CATSPERG: variants seen among roughly 807,000 people sequenced by gnomAD.
The protein encoded by CATSPERG is cation channel sperm-associated auxiliary subunit gamma.
A neutral mutation model predicts 145.0 loss-of-function variants in CATSPERG; 115 were observed. That is an observed-to-expected ratio of 0.79 (90% CI 0.68 to 0.93). The LOEUF (loss-of-function observed/expected upper bound fraction) is 0.93, where lower values mean the gene tolerates loss of function less well. CATSPERG is among the 40% of genes least tolerant of loss of function. CATSPERG has a pLI of 0.00. For missense variants in CATSPERG, 1,296 were observed against 1,490.1 expected (o/e 0.87, Z 2.14); for synonymous variants, 588 against 589.0 (o/e 1.00, Z 0.02).
At chr19:38,343,541 T>G (rs1374856900) in intron 3 of CATSPERG, 39 bp from the exon 4 acceptor site, 1 of 1,505,122 alleles carries the variant, frequency 6.6e-7, no homozygotes, top group South Asian at 1.3e-5. Flanking sequence ...ACCCAGAGGC[T>G]ACCATAAGGA....
intron 7 of CATSPERG, among the ~76,000 whole-genome samples, chr19:38,352,015 C>G (rs1249675574): frequency 6.6e-6 from 1 of 152,224 alleles, no homozygotes; most frequent in Non-Finnish European, 1.5e-5. Context: ...GCATGCTGTG[C>G]ACTGCCCAAC....
chr19:38,344,785 T>A (rs1970002310), intron 6 of CATSPERG, among the ~76,000 whole-genome samples: 1 of 139,342 alleles, frequency 7.2e-6, no homozygotes, highest in East Asian at 2.1e-4. Context: ...ACATATATAG[T>A]ACATACCTGT....
At chr19:38,367,428 T>C in intron 23 of CATSPERG, 81 bp from the exon 24 acceptor site, 2 of 1,562,154 alleles carry the variant, frequency 1.3e-6, no homozygotes, top group Non-Finnish European at 1.7e-6. Context: ...CTGCGGCATC[T>C]CACTTTCCCC....
At chr19:38,369,554 C>G (rs1970511653) in intron 26 of CATSPERG, 1 of 281,382 alleles carries the variant, frequency 3.6e-6, no homozygotes, top group Non-Finnish European at 7.1e-6. Flanking sequence ...AACCACTATG[C>G]CTGGCCTAAC....
At position 38,356,819 on chromosome 19, in the gene CATSPERG, G is replaced by T; in HGVS notation, c.1273G>T (p.Gly425Cys). 1 of 1,614,176 alleles carries T rather than the reference G, an allele frequency of 6.2e-7. No individual in the cohort carries two copies. The highest frequency in any genetic ancestry group is 1.1e-5 in the South Asian group (1 of 91,074). The change falls in exon 11 of 29, where the codon GGT (glycine) becomes TGT (cysteine). Residue 425 changes from glycine (G) to cysteine (C), a missense_variant. Physicochemically the swap from Gly to Cys is radical, Grantham distance 159. Coordinates refer to ENST00000409235, the MANE Select transcript of CATSPERG (RefSeq NM_021185.5). ...ACTGCTGCTGGTGGAGAGTGGATAT[G>T]GTAATGCAAGTAAACGTTTCCAGGT... ...TLLLLVESGYGNASKRFQVVS... is the reference protein window; with the variant it reads ...TLLLLVESGYCNASKRFQVVS...
chr19:38,340,853 T>C (rs1456896004), intron 3 of CATSPERG, among the ~76,000 whole-genome samples: 1 of 145,662 alleles, frequency 6.9e-6, no homozygotes, highest in African/African-American at 2.5e-5. Context: ...AGAGTAGTAT[T>C]AATAAATGCA....
Position 38,365,114 on chromosome 19 carries a change from G to T in CATSPERG, c.2610G>T (p.Met870Ile). The change falls in exon 22 of 29, where the codon ATG becomes ATT. Residue 870 changes from methionine to isoleucine, a missense_variant. Coordinates refer to ENST00000409235, the MANE Select transcript of CATSPERG (RefSeq NM_021185.5). ...AGGAAACACACCTGGGGCCCCATATGCAAGTATTGGAGCTTGGGATACTGG... is the reference window on the plus strand; with the variant it reads ...AGGAAACACACCTGGGGCCCCATATTCAAGTATTGGAGCTTGGGATACTGG... ...CFQETHLGPHMQGNLMVPVFI... is the reference protein window; with the variant it reads ...CFQETHLGPHIQGNLMVPVFI... The T allele has an allele frequency of 3.1e-6, 5 of 1,613,544 alleles. No homozygotes were observed. Among genetic ancestry groups the T allele is most frequent in the Non-Finnish European group, 4.2e-6 (5 of 1,179,994 alleles).
At chr19:38,360,028 C>A (rs1970316419) in intron 14 of CATSPERG, 3 of 984,960 alleles carry the variant, frequency 3.0e-6, no homozygotes, top group Non-Finnish European at 3.6e-6. Context: ...TGGAGGGGAT[C>A]CCCCAGGTTG....
At chr19:38,337,116 T>A (rs1269036262) in intron 1 of CATSPERG, 105 bp from the exon 2 acceptor site, 1 of 1,361,396 alleles carries the variant, frequency 7.3e-7, no homozygotes, top group Non-Finnish European at 9.9e-7. Flanking sequence ...AGCCGGGGCG[T>A]GGCCAGGAGC....
chr19:38,358,843 T>G (rs553720003), intron 13 of CATSPERG, among the ~76,000 whole-genome samples: 2 of 151,712 alleles, frequency 1.3e-5, no homozygotes, highest in East Asian at 3.9e-4. Flanking sequence ...TTTCTAGGGT[T>G]TTTTTTTGTT....
chr19:38,359,803 C>T (rs917141568), intron 14 of CATSPERG: 17 of 1,288,710 alleles, frequency 1.3e-5, no homozygotes, highest in Admixed American at 9.8e-5. Flanking sequence ...TGTTCAGAGG[C>T]GGCCCTCTTT....
intron 3 of CATSPERG, among the ~76,000 whole-genome samples, chr19:38,343,310 G>A (rs960939178): frequency 2.0e-5 from 3 of 151,990 alleles, no homozygotes; most frequent in Admixed American, 2.0e-4. Context: ...TTCCCTACAT[G>A]CACATTCTGT....
chr19:38,366,548 G>A (rs1017940267), intron 22 of CATSPERG: 5 of 152,610 alleles, frequency 3.3e-5, no homozygotes, highest in East Asian at 3.9e-4. Context: ...GGAGGGACTC[G>A]GGTGTCCCCA....
At chr19:38,344,937 C>T (rs182129719) in intron 6 of CATSPERG, among the ~76,000 whole-genome samples, 30 of 129,180 alleles carry the variant, frequency 2.3e-4, no homozygotes, top group Non-Finnish European at 3.5e-4. Context: ...GACGGGGCCT[C>T]GCTCTGTCAT....
chr19:38,341,619 G>T (rs1382636669), intron 3 of CATSPERG, among the ~76,000 whole-genome samples: 1 of 152,056 alleles, frequency 6.6e-6, no homozygotes, highest in Non-Finnish European at 1.5e-5. Flanking sequence ...TCAAAAAATT[G>T]GGCCGGGCAT....
intron 1 of CATSPERG, chr19:38,336,183 G>C: frequency 2.2e-6 from 1 of 456,278 alleles, no homozygotes; most frequent in Non-Finnish European, 4.4e-6. Flanking sequence ...AAGGTGTCGC[G>C]GTACGAGGGG....
At chr19:38,368,678 T>C (rs1970496873) in intron 26 of CATSPERG, among the ~76,000 whole-genome samples, 1 of 152,250 alleles carries the variant, frequency 6.6e-6, no homozygotes, top group Non-Finnish European at 1.5e-5. Context: ...TGTTTATTTT[T>C]TGAGACAGGC....
At chr19:38,338,182 C>T (rs1176330488) in intron 3 of CATSPERG, among the ~76,000 whole-genome samples, 1 of 151,216 alleles carries the variant, frequency 6.6e-6, no homozygotes. Context: ...GACGGAGTCT[C>T]GCTCCGCCCA....
Position 38,346,732 on chromosome 19 carries a change from A to G in CATSPERG, c.825+127A>G, listed in dbSNP as rs1970047998. 8.3e-6 allele frequency: 7 copies of G among 842,890 alleles called. No individual in the cohort carries two copies. The South Asian group carries it at 1.7e-4, about 20-fold the overall frequency. 52.2% of individuals were successfully genotyped at this position (842,890 alleles called of 1,614,324 possible). On this transcript the variant is annotated intron_variant, in intron 7 of 28. Coordinates refer to ENST00000409235, the MANE Select transcript of CATSPERG (RefSeq NM_021185.5). ...ACATATCTGTCCCCATGAGAGGCAG[A>G]TAGCATGAAGAAAAAACACAAGATT...
Sources: allele counts gnomAD v4.1 joint callset (sites outside exome capture counted in the v4.1 genomes callset), GRCh38; gene constraint gnomAD v4.1.1; transcripts MANE v1.5; gene names NCBI Gene and HGNC (gene_info 2026-07-23, HGNC 2026-07-21).